Variants in ATP8A2 observed in about 807,000 individuals in gnomAD.
The protein encoded by ATP8A2 is phospholipid-transporting ATPase IB.
In ATP8A2, 100 loss-of-function variants were observed where a neutral mutation model predicts 165.6. That is an observed-to-expected ratio of 0.60 (90% CI 0.51 to 0.71). The LOEUF is 0.71. Among genes scored for constraint, ATP8A2 ranks in the 30% least tolerant of loss-of-function variants. The pLI is 0.00. For synonymous variants in ATP8A2, 543 were observed against 548.8 expected, an observed-to-expected ratio of 0.99 and a Z score of 0.15; for missense variants, 1,227 against 1,479.5, an observed-to-expected ratio of 0.83 and a Z score of 2.80.
intron 1 of ATP8A2, 88 bp from the exon 2 acceptor site, chr13:25,468,889 C>T: frequency 1.9e-6 from 3 of 1,562,872 alleles, no homozygotes; most frequent in Non-Finnish European, 1.7e-6. Flanking sequence ...CCGCCGGTGG[C>T]CGCCCGCCCG....
chr13:26,017,222 G>A (rs570898127), intron 36 of ATP8A2, among the ~76,000 whole-genome samples: 2 of 152,296 alleles, frequency 1.3e-5, no homozygotes, highest in African/African-American at 4.8e-5. Flanking sequence ...CGGGAGTGGT[G>A]CAGCAGCTGT....
intron 33 of ATP8A2, among the ~76,000 whole-genome samples, chr13:25,958,779 C>T (rs1039017003): frequency 1.3e-5 from 2 of 152,162 alleles, no homozygotes; most frequent in African/African-American, 2.4e-5. Flanking sequence ...AGCAACAGAA[C>T]AATACTTTCA....
At chr13:25,892,788 C>T (rs1240042323) in intron 33 of ATP8A2, among the ~76,000 whole-genome samples, 1 of 149,580 alleles carries the variant, frequency 6.7e-6, no homozygotes, top group Non-Finnish European at 1.5e-5. Context: ...GTGTGAAGCA[C>T]AGACTTTTTT....
At chr13:25,563,314 CAGG>C (rs1268998249) in intron 15 of ATP8A2, among the ~76,000 whole-genome samples, 1 of 151,852 alleles carries the variant, frequency 6.6e-6, no homozygotes, top group Non-Finnish European at 1.5e-5. Flanking sequence ...GAGGCTGAGG[CAGG>C]AGAATTGCTT....
chr13:25,821,787 A>G (rs1951187692), intron 27 of ATP8A2, among the ~76,000 whole-genome samples: 1 of 152,168 alleles, frequency 6.6e-6, no homozygotes, highest in South Asian at 2.1e-4. Flanking sequence ...TCTTTGGCCC[A>G]CTCAATGCCA....
chr13:25,814,055 A>T (rs1055077216), intron 27 of ATP8A2, among the ~76,000 whole-genome samples: 4 of 151,620 alleles, frequency 2.6e-5, no homozygotes, highest in Non-Finnish European at 2.9e-5. Context: ...AATTGCGTGA[A>T]TCAATTCCTT....
intron 25 of ATP8A2, among the ~76,000 whole-genome samples, chr13:25,704,642 A>G (rs544350920): frequency 6.6e-6 from 1 of 152,240 alleles, no homozygotes; most frequent in East Asian, 1.9e-4. Context: ...GGGCCTTTTG[A>G]CAGCATTAGC....
chr13:25,382,076 G>T (rs909778380), intron 1 of ATP8A2, among the ~76,000 whole-genome samples: 6 of 152,268 alleles, frequency 3.9e-5, no homozygotes, highest in African/African-American at 1.4e-4. Context: ...CTGTGCTCCA[G>T]CTGTTCATCC....
intron 10 of ATP8A2, 70 bp from the exon 11 acceptor site, chr13:25,551,268 C>T: frequency 7.0e-6 from 10 of 1,421,536 alleles, no homozygotes; most frequent in Middle Eastern, 2.2e-4. Context: ...GTTGTTTTAC[C>T]TCCTTTCCCC....
At chr13:25,469,191 G>C (rs2137522050) in intron 2 of ATP8A2, 70 bp downstream of exon 2, 1 of 1,551,260 alleles carries the variant, frequency 6.4e-7, no homozygotes, top group South Asian at 1.2e-5. Flanking sequence ...GTCCTCCTGC[G>C]CGGGGCTTGG....
At chr13:25,640,633 G>T (rs1484823844) in intron 24 of ATP8A2, among the ~76,000 whole-genome samples, 1 of 152,136 alleles carries the variant, frequency 6.6e-6, no homozygotes, top group Admixed American at 6.5e-5. Context: ...ACCAAAAAAA[G>T]TCCAGGAGCA....
At chr13:25,850,694 T>C (rs186897757) in intron 30 of ATP8A2, among the ~76,000 whole-genome samples, 30 of 152,310 alleles carry the variant, frequency 2.0e-4, no homozygotes, top group African/African-American at 5.8e-4. Flanking sequence ...AGTGGTAGAA[T>C]TGTAACAGAG....
chr13:25,689,017 C>T (rs1418123237), intron 24 of ATP8A2, among the ~76,000 whole-genome samples: 1 of 152,232 alleles, frequency 6.6e-6, no homozygotes, highest in African/African-American at 2.4e-5. Flanking sequence ...AGACTAAATA[C>T]AGCCTGGGCA....
At chr13:25,992,015 TGA>T (rs1369296044) in intron 35 of ATP8A2, among the ~76,000 whole-genome samples, 1 of 151,820 alleles carries the variant, frequency 6.6e-6, no homozygotes, top group Non-Finnish European at 1.5e-5. Flanking sequence ...TGTGTGTGTG[TGA>T]GACATAATTC....
At chr13:25,373,863 G>A (rs981826797) in intron 1 of ATP8A2, among the ~76,000 whole-genome samples, 4 of 152,176 alleles carry the variant, frequency 2.6e-5, no homozygotes, top group African/African-American at 9.7e-5. Context: ...AAGAGTCGTC[G>A]GCAGGACCGG....
At chr13:25,629,068 G>A (rs186557688) in intron 24 of ATP8A2, among the ~76,000 whole-genome samples, 1 of 152,168 alleles carries the variant, frequency 6.6e-6, no homozygotes, top group Non-Finnish European at 1.5e-5. Flanking sequence ...TAACTCTTCT[G>A]TCATGTTTAT....
intron 27 of ATP8A2, among the ~76,000 whole-genome samples, chr13:25,818,524 C>A (rs1052094538): frequency 6.6e-6 from 1 of 152,108 alleles, no homozygotes; most frequent in African/African-American, 2.4e-5. Context: ...CTCTGTGCCC[C>A]GATTTCCTCA....
intron 24 of ATP8A2, among the ~76,000 whole-genome samples, chr13:25,670,453 T>G (rs2042241433): frequency 6.6e-6 from 1 of 152,174 alleles, no homozygotes; most frequent in African/African-American, 2.4e-5. Flanking sequence ...GCAGGTTCCC[T>G]CTCTGAATTT....
intron 1 of ATP8A2, among the ~76,000 whole-genome samples, chr13:25,389,805 T>C (rs556689880): frequency 6.6e-6 from 1 of 152,216 alleles, no homozygotes; most frequent in Non-Finnish European, 1.5e-5. Flanking sequence ...AGAGAAGACC[T>C]GGACATGTAA....
Sources: gnomAD v4.1 joint callset for allele counts (sites outside exome capture counted in the v4.1 genomes callset) on GRCh38, gnomAD v4.1.1 for gene constraint, MANE v1.5 for transcripts, NCBI Gene and HGNC (gene_info 2026-07-23, HGNC 2026-07-21) for gene names.